DOCK10: variants seen among roughly 807,000 people sequenced by gnomAD.
The protein encoded by DOCK10 is dedicator of cytokinesis 10.
DOCK10 carries 145 observed loss-of-function variants against 280.1 expected under a neutral mutation model. That is an observed-to-expected ratio of 0.52 (90% CI 0.45 to 0.59). The LOEUF is 0.59. DOCK10 is among the 20% of genes least tolerant of loss of function. The pLI is 0.00. For synonymous variants in DOCK10, 915 were observed against 942.2 expected (o/e 0.97, Z 0.53); for missense variants, 2,368 against 2,651.7 (o/e 0.89, Z 2.35).
At chr2:224,773,873 G>A (rs902165607) in intron 52 of DOCK10, among the ~76,000 whole-genome samples, 4 of 151,672 alleles carry the variant, frequency 2.6e-5, no homozygotes, top group African/African-American at 7.3e-5. Context: ...CTCATGATCC[G>A]CCCGCCTCTG....
At chr2:224,907,313 T>C (rs1700707910) in intron 3 of DOCK10, among the ~76,000 whole-genome samples, 1 of 152,320 alleles carries the variant, frequency 6.6e-6, no homozygotes, top group East Asian at 1.9e-4. Context: ...CTACCATCAC[T>C]GGGGCTTGTG....
At chr2:224,832,992 C>T (rs1461051549) in intron 26 of DOCK10, among the ~76,000 whole-genome samples, 2 of 152,166 alleles carry the variant, frequency 1.3e-5, no homozygotes, top group African/African-American at 4.8e-5. Context: ...CATGGTCCAT[C>T]GTTAGCACAA....
At chr2:224,969,520 C>G (rs1314902085) in intron 1 of DOCK10, among the ~76,000 whole-genome samples, 1 of 152,152 alleles carries the variant, frequency 6.6e-6, no homozygotes, top group Non-Finnish European at 1.5e-5. Flanking sequence ...CAGGGCTGTT[C>G]ACTGGTTCAT....
intron 22 of DOCK10, among the ~76,000 whole-genome samples, chr2:224,843,547 C>T (rs551436076): frequency 6.6e-6 from 1 of 152,102 alleles, no homozygotes; most frequent in East Asian, 1.9e-4. Flanking sequence ...GACTTGAAGC[C>T]TCAGAGGTTG....
chr2:224,805,297 A>C lies in DOCK10; in HGVS notation c.3960T>G (p.Ile1320Met). 2 of 1,613,118 alleles carry C rather than the reference A, an allele frequency of 1.2e-6. No homozygotes were observed. Among genetic ancestry groups the C allele is most frequent in the Non-Finnish European group, 1.7e-6 (2 of 1,179,338 alleles). The stretch of plus-strand genomic sequence containing the variant: ...ACTTGTCAAATCGAAGAGTTGAGCC[A>C]ATCAAAGACAAGGGTCTTGGGATCT... The part of the protein sequence containing the change: ...CEKIPRPLSL[I>M]GSTLRFDKLD... Residue 1320 changes from isoleucine (I) to methionine (M), a missense_variant, in exon 36 of 56, where the codon ATT becomes ATG. This residue lies in a region of DOCK10 where 1,159 missense variants were observed against 1,400.8 expected (regional missense o/e 0.83). Transcript: ENST00000258390. The surrounding 1 kb of genome is among the most constrained non-coding windows in gnomAD (Gnocchi z 4.3).
chr2:224,861,449 G>A (rs1697490854), intron 14 of DOCK10: 1 of 152,206 alleles, frequency 6.6e-6, no homozygotes, highest in Non-Finnish European at 1.5e-5. Flanking sequence ...TCCCTCCCTT[G>A]CTATGACGCT....
chr2:224,992,888 G>A (rs1287524036), intron 1 of DOCK10, among the ~76,000 whole-genome samples: 1 of 152,214 alleles, frequency 6.6e-6, no homozygotes, highest in Non-Finnish European at 1.5e-5. Flanking sequence ...AAAAGATTCA[G>A]ATAGAACACC....
At chr2:224,798,040 T>C (rs1167777591) in intron 41 of DOCK10, 71 bp from the exon 42 acceptor site, 2 of 1,477,424 alleles carry the variant, frequency 1.4e-6, no homozygotes, top group Non-Finnish European at 9.2e-7. Context: ...AAATATTTAT[T>C]GTGAACCTGT....
In DOCK10 at chr2:224,774,991, C is replaced by T. The variant is rs764284194; in HGVS notation, c.5927G>A (p.Arg1976His). The T allele has an allele frequency of 1.4e-5, 22 of 1,613,334 alleles. No homozygotes were observed. Among genetic ancestry groups the T allele is most frequent in the Admixed American group, 5.0e-5 (3 of 59,918 alleles). ...TDFEMHHNIN[R>H]FVFETPFTLS... is the part of the protein sequence containing the mutation. The stretch of plus-strand genomic sequence containing the variant: ...CGTGAAGGGTGTCTCGAAGACAAAG[C>T]GGTTGATGTTGTGGTGCATTTCGAA... Residue 1976 changes from arginine to histidine, a missense_variant, in exon 52 of 56, where the codon CGC becomes CAC. By Grantham distance (29) the Arg-to-His change is conservative. This residue lies in a region of DOCK10 where 1,159 missense variants were observed against 1,400.8 expected (regional missense o/e 0.83). Transcript: ENST00000258390.
chr2:225,040,683 A>T (rs113657194), intron 1 of DOCK10, among the ~76,000 whole-genome samples: 5 of 152,098 alleles, frequency 3.3e-5, no homozygotes, highest in African/African-American at 1.2e-4. Flanking sequence ...TTTCCATCAG[A>T]TCCTCAGTGA....
chr2:224,876,353 A>G, intron 7 of DOCK10, 132 bp from the exon 8 acceptor site: 1 of 737,436 alleles, frequency 1.4e-6, no homozygotes, highest in East Asian at 2.8e-5. Context: ...AATTTTCCAG[A>G]ACAAGACAAA....
intron 40 of DOCK10, among the ~76,000 whole-genome samples, 184 bp downstream of exon 40, chr2:224,801,732 C>A (rs1693028318): frequency 6.6e-6 from 1 of 152,128 alleles, no homozygotes; most frequent in Non-Finnish European, 1.5e-5. Flanking sequence ...TTTTGCCTCT[C>A]CCCTTTCTTC....
chr2:225,020,414 G>A (rs1019991569), intron 1 of DOCK10, among the ~76,000 whole-genome samples: 1 of 152,120 alleles, frequency 6.6e-6, no homozygotes, highest in Non-Finnish European at 1.5e-5. Context: ...TAACCATGAA[G>A]CAAAGAGTCT....
intron 1 of DOCK10, among the ~76,000 whole-genome samples, chr2:224,996,095 T>G (rs538657062): frequency 2.6e-5 from 4 of 152,302 alleles, no homozygotes; most frequent in African/African-American, 9.6e-5. Context: ...AAAGTCTCAT[T>G]CAAGTCTCCT....
At chr2:224,796,667 T>A (rs1423613328) in intron 43 of DOCK10, among the ~76,000 whole-genome samples, 1 of 152,090 alleles carries the variant, frequency 6.6e-6, no homozygotes, top group African/African-American at 2.4e-5. Flanking sequence ...AAAAATTACG[T>A]TTGGAATTTG....
In DOCK10 at chr2:225,035,582, ATAT is replaced by A. The variant is rs1559987015; in HGVS notation, c.123+6667_123+6669del. 7.4e-4 allele frequency among the ~76,000 whole-genome samples: 83 copies of A among 112,430 alleles called. 3 individuals are homozygous for A. The South Asian group carries it at 0.01, about 14-fold the overall frequency. The allele number at this position is 112,430 out of a possible 152,430, so 73.8% of individuals were successfully genotyped here. ...TATATATATATATATATATATATAT[ATAT>A]ATAACACTGAATCAGTGTTAATTGT... On this transcript the variant is annotated intron_variant, in intron 1 of 55. Transcript: ENST00000258390.
At position 224,774,990 on chromosome 2, in the gene DOCK10, GC is replaced by G; in HGVS notation, c.5927del (p.Arg1976ProfsTer28). 1.2e-6 allele frequency: 2 copies of G among 1,613,524 alleles called. No homozygotes were observed. Among genetic ancestry groups the G allele is most frequent in the Non-Finnish European group, 1.7e-6 (2 of 1,179,694 alleles). On this transcript the variant is annotated frameshift_variant, in exon 52 of 56. Transcript: ENST00000258390. LOFTEE classifies it high-confidence loss of function. ...TDFEMHHNIN[R>X]FVFETPFTLS... ...GCGTGAAGGGTGTCTCGAAGACAAA[GC>G]GGTTGATGTTGTGGTGCATTTCGAA... is the stretch of plus-strand genomic sequence containing the variant.
chr2:224,968,334 A>G (rs1271603962), intron 1 of DOCK10, among the ~76,000 whole-genome samples: 1 of 152,250 alleles, frequency 6.6e-6, no homozygotes, highest in Non-Finnish European at 1.5e-5. Context: ...ACCACAGGAA[A>G]TATGAATCAA....
intron 18 of DOCK10, among the ~76,000 whole-genome samples, chr2:224,850,504 C>G (rs1009408549): frequency 6.6e-5 from 10 of 152,184 alleles, no homozygotes; most frequent in Non-Finnish European, 1.0e-4. Flanking sequence ...GCGGACCTCC[C>G]CTAGCCTATG....
Sources: allele counts gnomAD v4.1 joint callset (sites outside exome capture counted in the v4.1 genomes callset), GRCh38; gene constraint gnomAD v4.1.1; regional missense constraint gnomAD v4.1.1; non-coding constraint Gnocchi (gnomAD v3.1); transcripts MANE v1.5; gene names NCBI Gene and HGNC (gene_info 2026-07-23, HGNC 2026-07-21).